Variants in LARGE1 observed in about 807,000 individuals in gnomAD.
LARGE1 encodes LARGE xylosyl- and glucuronyltransferase 1, also known as xylosyl- and glucuronyltransferase LARGE1.
In LARGE1, 43 loss-of-function variants were observed where a neutral mutation model predicts 87.6. That is an observed-to-expected ratio of 0.49 (90% CI 0.38 to 0.63). The LOEUF (loss-of-function observed/expected upper bound fraction) is 0.63. Ranked by LOEUF, LARGE1 falls within the 30% of genes least tolerant of loss-of-function variation. The pLI is 0.00. For synonymous variants in LARGE1, 434 were observed against 394.6 expected (o/e 1.10, Z -1.18); for missense variants, 802 against 1,000.2 (o/e 0.80, Z 2.67).
At chr22:33,852,876 A>AAAAAC (rs2063647428) in intron 1 of LARGE1, among the ~76,000 whole-genome samples, 1 of 63,310 alleles carries the variant, frequency 1.6e-5, no homozygotes, top group African/African-American at 8.5e-5. Flanking sequence ...AAAAAAAAAA[A>AAAAAC]AAAGAAAGAA....
At chr22:33,233,627 G>A (rs944093637) in intron 11 of LARGE1, among the ~76,000 whole-genome samples, 2 of 152,146 alleles carry the variant, frequency 1.3e-5, no homozygotes, top group African/African-American at 4.8e-5. Context: ...CAAGGGATGG[G>A]GGAGAGGGAA....
At chr22:33,480,799 T>G (rs748192606) in intron 6 of LARGE1, among the ~76,000 whole-genome samples, 1 of 152,184 alleles carries the variant, frequency 6.6e-6, no homozygotes, top group Non-Finnish European at 1.5e-5. Context: ...CAGATATATT[T>G]TGACAAAAAC....
intron 11 of LARGE1, among the ~76,000 whole-genome samples, chr22:33,178,235 A>G (rs144382887): frequency 2.0e-5 from 3 of 152,326 alleles, no homozygotes; most frequent in Non-Finnish European, 2.9e-5. Flanking sequence ...CCATACACAC[A>G]AAAGTTTTCC....
chr22:33,715,735 G>C (rs1008047650), intron 2 of LARGE1, among the ~76,000 whole-genome samples: 5 of 152,102 alleles, frequency 3.3e-5, no homozygotes, highest in Non-Finnish European at 5.9e-5. Flanking sequence ...ACAACACATG[G>C]CAAGGACTGG....
chr22:33,277,353 T>C, intron 13 of LARGE1, 98 bp from the exon 14 acceptor site: 1 of 1,163,776 alleles, frequency 8.6e-7, no homozygotes, highest in Non-Finnish European at 1.2e-6. Flanking sequence ...ACTGATGTAG[T>C]CCTCGGGTGA....
chr22:33,856,107 G>A (rs532972132), intron 1 of LARGE1, among the ~76,000 whole-genome samples: 9 of 152,228 alleles, frequency 5.9e-5, no homozygotes, highest in Admixed American at 1.3e-4. Context: ...GTAGGAATAG[G>A]GGGTTTAGGG....
At position 33,614,830 on chromosome 22, in the gene LARGE1, C is replaced by T. The variant is rs575682757; in HGVS notation, c.492-10272G>A. Among the ~76,000 whole-genome samples, 12 of 136,706 alleles carry T rather than the reference C, an allele frequency of 8.8e-5. No individual in the cohort carries two copies. The South Asian group carries it at 1.7e-3, about 19-fold the overall frequency. The allele number at this position is 136,706 out of a possible 152,430, so 89.7% of individuals were successfully genotyped here. Reference sequence around the variant, plus strand: ...GGAGGATAGCGCTTCTCCAGCTTCACAAAGTACCTCCTCTCTTGTTTACTC... The same window carrying T: ...GGAGGATAGCGCTTCTCCAGCTTCATAAAGTACCTCCTCTCTTGTTTACTC... On this transcript the variant is annotated intron_variant, in intron 4 of 14. Coordinates refer to ENST00000397394, the MANE Select transcript of LARGE1 (RefSeq NM_133642.5).
At chr22:33,788,445 T>C (rs1373720342) in intron 1 of LARGE1, among the ~76,000 whole-genome samples, 1 of 152,186 alleles carries the variant, frequency 6.6e-6, no homozygotes, top group Non-Finnish European at 1.5e-5. Context: ...GCAATAAAGA[T>C]ACCCAAAAAA....
chr22:33,077,605 C>CT, the LARGE1 span, among the ~76,000 whole-genome samples: 2 of 152,062 alleles, frequency 1.3e-5, no homozygotes, highest in African/African-American at 4.8e-5. Context: ...ATATTTTAAT[C>CT]TTTTTTCCTT....
intron 11 of LARGE1, among the ~76,000 whole-genome samples, chr22:33,252,556 A>C (rs1484342942): frequency 1.3e-5 from 2 of 152,100 alleles, no homozygotes; most frequent in Non-Finnish European, 2.9e-5. Context: ...TAGCTTTTCT[A>C]CCATTTATAG....
chr22:33,678,497 A>G (rs77753581), intron 2 of LARGE1, among the ~76,000 whole-genome samples: 3,165 of 152,322 alleles, frequency 0.021, 74 homozygotes, highest in African/African-American at 0.059. Flanking sequence ...CTCACTTTAC[A>G]TAAAAGTGCA....
At chr22:33,895,628 C>T (rs1569019227) in intron 1 of LARGE1, among the ~76,000 whole-genome samples, 1 of 152,230 alleles carries the variant, frequency 6.6e-6, no homozygotes, top group Non-Finnish European at 1.5e-5. Flanking sequence ...GGGTCACCCT[C>T]TGCTCCTCAA....
At chr22:33,836,801 A>C (rs1268231264) in intron 1 of LARGE1, among the ~76,000 whole-genome samples, 1 of 152,004 alleles carries the variant, frequency 6.6e-6, no homozygotes, top group Non-Finnish European at 1.5e-5. Flanking sequence ...TTACTGGAAA[A>C]AAAAAAAAAG....
intron 6 of LARGE1, 90 bp downstream of exon 6, chr22:33,564,758 G>C: frequency 2.3e-6 from 3 of 1,317,084 alleles, no homozygotes; most frequent in Non-Finnish European, 3.3e-6. Flanking sequence ...CATTCGAGGA[G>C]ACCTCACCTT....
intron 1 of LARGE1, among the ~76,000 whole-genome samples, chr22:33,796,719 A>G (rs114149282): frequency 7.3e-4 from 107 of 145,966 alleles, no homozygotes; most frequent in African/African-American, 2.6e-3. Flanking sequence ...AGCCAGGTGG[A>G]GGAGGAGGGG....
chr22:33,652,825 T>G, intron 2 of LARGE1, among the ~76,000 whole-genome samples: 1 of 152,312 alleles, frequency 6.6e-6, no homozygotes, highest in African/African-American at 2.4e-5. Flanking sequence ...ATGACTCATT[T>G]TTTTTCCTCT....
At chr22:33,887,462 C>T (rs566581170) in intron 1 of LARGE1, among the ~76,000 whole-genome samples, 1 of 152,156 alleles carries the variant, frequency 6.6e-6, no homozygotes, top group African/African-American at 2.4e-5. Flanking sequence ...CCTGGCCAGG[C>T]GCAGTGGCTC....
rs538409075 is a variant in LARGE1 at position 33,778,839 on chromosome 22, T to C, written c.-82-17281A>G. On this transcript the variant is annotated intron_variant, in intron 1 of 14. Coordinates refer to ENST00000397394, the MANE Select transcript of LARGE1 (RefSeq NM_133642.5). Reference sequence around the variant, plus strand: ...CTGATTTTTGTATTTTTAGTAGAGATAGGGTTTCCCCATGTTGGCCAGGCT... The same window carrying C: ...CTGATTTTTGTATTTTTAGTAGAGACAGGGTTTCCCCATGTTGGCCAGGCT... 8.5e-5 allele frequency among the ~76,000 whole-genome samples: 13 copies of C among 152,240 alleles called. No homozygotes were observed. In the South Asian group the frequency reaches 2.5e-3, roughly 29 times the overall value.
intron 10 of LARGE1, among the ~76,000 whole-genome samples, chr22:33,333,544 C>T (rs1249699470): frequency 6.6e-6 from 1 of 152,196 alleles, no homozygotes; most frequent in Non-Finnish European, 1.5e-5. Flanking sequence ...CATGAACTTC[C>T]AGCATGTTCT....
Sources: gnomAD v4.1 joint callset for allele counts (sites outside exome capture counted in the v4.1 genomes callset) on GRCh38, gnomAD v4.1.1 for gene constraint, MANE v1.5 for transcripts, NCBI Gene and HGNC (gene_info 2026-07-23, HGNC 2026-07-21) for gene names.